The following KCNMA1 variants were observed in gnomAD, a reference collection of about 807,000 sequenced individuals.
KCNMA1 encodes potassium calcium-activated channel subfamily M alpha 1.
Under a neutral mutation model 140.0 loss-of-function variants are expected in KCNMA1, and 29 were observed. The observed-to-expected ratio is 0.21, with a 90% CI of 0.15 to 0.28. KCNMA1 has a LOEUF of 0.28. Among genes scored for constraint, KCNMA1 ranks in the 10% least tolerant of loss-of-function variants. The pLI is 1.00. For synonymous variants in KCNMA1, 612 were observed against 611.9 expected (o/e 1.00, Z 0.00); for missense variants, 880 against 1,602.2 (o/e 0.55, Z 7.70).
chr10:77,509,441 AT>A (rs34323979), intron 1 of KCNMA1, among the ~76,000 whole-genome samples: 22,943 of 152,174 alleles, frequency 0.15, 2,035 homozygotes, highest in Middle Eastern at 0.25. Context: ...ATTGTGAATA[AT>A]GCTGTTATGA....
At chr10:77,364,608 T>C (rs2094216966) in intron 2 of KCNMA1, among the ~76,000 whole-genome samples, 1 of 152,206 alleles carries the variant, frequency 6.6e-6, no homozygotes, top group Non-Finnish European at 1.5e-5. Context: ...AGTAACCTTA[T>C]AAGTCATAGA....
chr10:77,295,802 A>AAAAAC (rs1555161594), intron 2 of KCNMA1, among the ~76,000 whole-genome samples: 2 of 149,828 alleles, frequency 1.3e-5, no homozygotes, highest in Non-Finnish European at 3.0e-5. Context: ...AAAAAAAAAA[A>AAAAAC]AAAAAAAAAA....
At chr10:77,148,028 G>T (rs936686793) in intron 5 of KCNMA1, among the ~76,000 whole-genome samples, 1 of 151,890 alleles carries the variant, frequency 6.6e-6, no homozygotes, top group Non-Finnish European at 1.5e-5. Context: ...GTAAGGAGGT[G>T]CTCCTTTTGG....
intron 5 of KCNMA1, among the ~76,000 whole-genome samples, chr10:77,167,617 A>T (rs1053740183): frequency 1.3e-5 from 2 of 152,166 alleles, no homozygotes; most frequent in African/African-American, 4.8e-5. Flanking sequence ...ACCAGGGCAG[A>T]GACTAGGGTA....
At chr10:77,162,060 C>T (rs998695211) in intron 5 of KCNMA1, among the ~76,000 whole-genome samples, 2 of 152,140 alleles carry the variant, frequency 1.3e-5, no homozygotes, top group Non-Finnish European at 2.9e-5. Flanking sequence ...AAGAAGCACA[C>T]TGATTCTAGT....
chr10:77,161,105 C>T (rs1326307227), intron 5 of KCNMA1, among the ~76,000 whole-genome samples: 2 of 152,202 alleles, frequency 1.3e-5, no homozygotes, highest in Non-Finnish European at 2.9e-5. Context: ...GCTCCATGGT[C>T]CTTGACCACA....
At chr10:77,044,358 A>G (rs1373252202) in intron 14 of KCNMA1, among the ~76,000 whole-genome samples, 2 of 152,172 alleles carry the variant, frequency 1.3e-5, no homozygotes, top group Non-Finnish European at 2.9e-5. Flanking sequence ...AAAAAAAAAC[A>G]GTGTAAAATA....
At chr10:77,505,455 A>G (rs1272691815) in intron 1 of KCNMA1, among the ~76,000 whole-genome samples, 3 of 152,222 alleles carry the variant, frequency 2.0e-5, no homozygotes, top group Non-Finnish European at 4.4e-5. Context: ...GATACAAAAG[A>G]TTAGTGCCAT....
At chr10:77,014,260 T>C (rs2091516051) in intron 17 of KCNMA1, among the ~76,000 whole-genome samples, 1 of 152,054 alleles carries the variant, frequency 6.6e-6, no homozygotes. Flanking sequence ...ACCCTGTCTC[T>C]ACTAAAAATA....
In KCNMA1 at chr10:77,353,380, C is replaced by A. The variant is rs531018696; in HGVS notation, c.540+50482G>T. 2.0e-5 allele frequency among the ~76,000 whole-genome samples: 3 copies of A among 152,180 alleles called. 1 individual carries two copies. In the South Asian group the frequency reaches 6.2e-4, roughly 32 times the overall value. On this transcript the variant is annotated intron_variant, in intron 2 of 27. Transcript: ENST00000286628. ...AGCAAGAACTCCAGAAACTATAAAG[C>A]TCTATTTAGATGAATCACATTATTA... is the stretch of plus-strand genomic sequence containing the variant.
intron 2 of KCNMA1, among the ~76,000 whole-genome samples, chr10:77,270,113 T>C (rs1037647801): frequency 2.0e-5 from 3 of 152,186 alleles, no homozygotes. Context: ...CCCTCAAGCA[T>C]TGTGCTGGGT....
chr10:76,976,714 C>T (rs965377215), intron 19 of KCNMA1, among the ~76,000 whole-genome samples: 6 of 152,090 alleles, frequency 3.9e-5, no homozygotes, highest in African/African-American at 9.7e-5. Flanking sequence ...CCCAACACTC[C>T]GCCCTGTTCA....
intron 1 of KCNMA1, among the ~76,000 whole-genome samples, chr10:77,596,267 C>G (rs996255795): frequency 6.6e-6 from 1 of 152,176 alleles, no homozygotes; most frequent in African/African-American, 2.4e-5. Flanking sequence ...CTCCAGAGAT[C>G]AATTTCATAA....
chr10:76,929,369 C>T (rs1395249274), intron 23 of KCNMA1, among the ~76,000 whole-genome samples: 1 of 152,106 alleles, frequency 6.6e-6, no homozygotes, highest in African/African-American at 2.4e-5. Context: ...ATTGTTTGTG[C>T]CCACCTGCCT....
At chr10:76,900,678 T>C (rs1379663671) in intron 25 of KCNMA1, among the ~76,000 whole-genome samples, 1 of 152,066 alleles carries the variant, frequency 6.6e-6, no homozygotes, top group Non-Finnish European at 1.5e-5. Context: ...GAATTCACTA[T>C]ATAAAATATG....
chr10:77,506,707 C>CGAGAGAGA (rs140333440), intron 1 of KCNMA1, among the ~76,000 whole-genome samples: 48 of 42,166 alleles, frequency 1.1e-3, no homozygotes, highest in African/African-American at 4.7e-3. Context: ...AGAGATGTTC[C>CGAGAGAGA]GAGAGAGAGA....
chr10:77,290,876 T>C (rs1035304885), intron 2 of KCNMA1, among the ~76,000 whole-genome samples: 2 of 152,222 alleles, frequency 1.3e-5, no homozygotes, highest in African/African-American at 4.8e-5. Context: ...TTAACTGTTT[T>C]GAAAGCTGTG....
intron 20 of KCNMA1, among the ~76,000 whole-genome samples, chr10:76,963,623 ACT>A (rs1229199743): frequency 1.3e-5 from 2 of 151,970 alleles, no homozygotes; most frequent in Admixed American, 6.6e-5. Context: ...ATTCTCTGTG[ACT>A]CTGTGGAACT....
At chr10:77,504,179 A>G (rs561668868) in intron 1 of KCNMA1, among the ~76,000 whole-genome samples, 26 of 152,290 alleles carry the variant, frequency 1.7e-4, no homozygotes, top group African/African-American at 6.3e-4. Context: ...CACTCACTAT[A>G]CAATTTATTC....
Sources: gnomAD v4.1 joint callset for allele counts (sites outside exome capture counted in the v4.1 genomes callset) on GRCh38, gnomAD v4.1.1 for gene constraint, MANE v1.5 for transcripts, NCBI Gene and HGNC (gene_info 2026-07-23, HGNC 2026-07-21) for gene names.